The following STAT3 variants were observed in gnomAD, a reference collection of about 807,000 sequenced individuals.
STAT3 encodes the protein DNA-binding protein APRF.
In STAT3, 7 loss-of-function variants were observed where a neutral mutation model predicts 114.3. The ratio of observed to expected loss-of-function variants is 0.06; its 90% confidence interval spans 0.03 to 0.11. STAT3 has a LOEUF of 0.11. STAT3 is among the 10% of genes least tolerant of loss of function. The probability of loss-of-function intolerance (pLI) is 1.00; values close to 1 mark genes in which losing one functional copy is unlikely to be tolerated. For synonymous variants in STAT3, 331 were observed against 354.5 expected, an observed-to-expected ratio of 0.93 and a Z score of 0.74; for missense variants, 364 against 960.9, an observed-to-expected ratio of 0.38 and a Z score of 8.21.
chr17:42,315,945 G>C (rs1045160288), intron 23 of STAT3, 145 bp from the exon 24 acceptor site: 58 of 1,543,374 alleles, frequency 3.8e-5, no homozygotes, highest in Admixed American at 5.9e-5. Context: ...GGTCAGAAAA[G>C]CCAGATTTAC....
intron 4 of STAT3, among the ~76,000 whole-genome samples, chr17:42,343,169 CAAAA>C: frequency 1.6e-5 from 1 of 62,776 alleles, no homozygotes; most frequent in Non-Finnish European, 3.2e-5. Flanking sequence ...GAGACTGTCT[CAAAA>C]AAAAAAAAAA....
Position 42,334,044 on chromosome 17 carries a change from G to A in STAT3, c.803C>T (p.Thr268Met), listed in dbSNP as rs779422770. 1.2e-6 allele frequency: 2 copies of A among 1,614,030 alleles called. No homozygotes were observed. The highest frequency in any genetic ancestry group is 1.7e-6 in the Non-Finnish European group (2 of 1,180,008). The stretch of plus-strand genomic sequence containing the variant: ...CTGAAGTTGAGATTCTGCTAATGAC[G>A]TTATCCTGCCAATAAATTAAGAAAG... ...ICLDRLENWITSLAESQLQTR... is the reference protein window; with the variant it reads ...ICLDRLENWIMSLAESQLQTR... The change falls in exon 9 of 24, where the codon ACG (threonine) becomes ATG (methionine). Residue 268 changes from threonine (T) to methionine (M), a missense_variant. By Grantham distance (81) the Thr-to-Met change is moderately conservative. This residue lies in a region of STAT3 where 294 missense variants were observed against 745.1 expected (regional missense o/e 0.39). Transcript: ENST00000264657.
chr17:42,321,970 C>T (rs1035983748), intron 21 of STAT3, among the ~76,000 whole-genome samples: 1 of 152,084 alleles, frequency 6.6e-6, no homozygotes, highest in Non-Finnish European at 1.5e-5. Context: ...ACTACAAATG[C>T]GTGCCACCAC....
intron 1 of STAT3, among the ~76,000 whole-genome samples, chr17:42,373,013 T>C (rs957113977): frequency 3.9e-4 from 59 of 152,202 alleles, no homozygotes; most frequent in Non-Finnish European, 6.0e-4. Context: ...GGAAACTCTC[T>C]GTACTTTCCA....
chr17:42,388,334 G>T lies in STAT3; in HGVS notation c.-79C>A. The T allele has an allele frequency of 8.1e-7, 1 of 1,232,064 alleles. No homozygotes were observed. Among genetic ancestry groups the T allele is most frequent in the Non-Finnish European group, 1.0e-6 (1 of 988,268 alleles). 76.3% of individuals were successfully genotyped at this position (1,232,064 alleles called of 1,614,324 possible). On this transcript the variant is annotated 5_prime_UTR_variant, in exon 1 of 24. Coordinates refer to ENST00000264657, the MANE Select transcript of STAT3 (RefSeq NM_139276.3). Reference sequence around the variant, plus strand: ...GGCTGCGCGTGTGCCGGGGACGGGCGGCGAGGCTCCCTCAGGCCGAAGGGC... The same window carrying T: ...GGCTGCGCGTGTGCCGGGGACGGGCTGCGAGGCTCCCTCAGGCCGAAGGGC...
chr17:42,315,959 C>A lies in STAT3; in HGVS notation c.2258-159G>T, dbSNP rs1163511732. On this transcript the variant is annotated intron_variant, in intron 23 of 23. Coordinates refer to ENST00000264657, the MANE Select transcript of STAT3 (RefSeq NM_139276.3). ...TGGTCAGAAAAGCCAGATTTACCCTCCTCCCTGGAGGACCCTGCCTCGGGA... is the reference window on the plus strand; with the variant it reads ...TGGTCAGAAAAGCCAGATTTACCCTACTCCCTGGAGGACCCTGCCTCGGGA... 3.9e-6 allele frequency: 6 copies of A among 1,519,302 alleles called. No homozygotes were observed. The East Asian group carries it at 1.2e-4, about 31-fold the overall frequency. 94.1% of individuals were successfully genotyped at this position (1,519,302 alleles called of 1,614,324 possible).
At position 42,337,751 on chromosome 17, in the gene STAT3, C is replaced by T; in HGVS notation, c.645+12G>A. 1 of 1,614,190 alleles carries T rather than the reference C, an allele frequency of 6.2e-7. No homozygotes were observed. The highest frequency in any genetic ancestry group is 8.5e-7 in the Non-Finnish European group (1 of 1,180,018). On this transcript the variant is annotated intron_variant, in intron 7 of 23. Transcript: ENST00000264657. This position sits in a 1 kb window ranked among gnomAD's most constrained non-coding sequence, Gnocchi z 4.0. ...AGACACATGGGGGAAGTGGTCCGAC[C>T]TATGCCCTTACTCTCCGCATCTGGT...
rs927121156 is a variant in STAT3 at position 42,330,258 on chromosome 17, G to A, written c.1110-482C>T. ...CAGCCTCCCGTGTAGCTGGGATTAC[G>A]GGCATGCGCCAACACACCTGGCTAA... On this transcript the variant is annotated intron_variant, in intron 11 of 23. Coordinates refer to ENST00000264657, the MANE Select transcript of STAT3 (RefSeq NM_139276.3). Among the ~76,000 whole-genome samples the A allele has an allele frequency of 2.7e-5, 4 of 146,624 alleles. No homozygotes were observed. The Admixed American group carries it at 2.7e-4, about 10-fold the overall frequency.
At chr17:42,370,167 G>A (rs796995478) in intron 1 of STAT3, among the ~76,000 whole-genome samples, 6 of 150,454 alleles carry the variant, frequency 4.0e-5, no homozygotes, top group Non-Finnish European at 7.4e-5. Context: ...ATGGGGTTTC[G>A]CCATGTTCAC....
chr17:42,387,154 A>T (rs927582421), intron 1 of STAT3: 1 of 152,210 alleles, frequency 6.6e-6, no homozygotes, highest in Admixed American at 6.5e-5. Flanking sequence ...CAGCAGGTAC[A>T]CACTATACAC....
intron 1 of STAT3, among the ~76,000 whole-genome samples, chr17:42,379,252 T>TA (rs2084642839): frequency 6.6e-6 from 1 of 152,254 alleles, no homozygotes; most frequent in Admixed American, 6.5e-5. Context: ...CTGCCCCGCA[T>TA]ACGGCCAGGA....
chr17:42,369,454 C>T (rs1239409953), intron 1 of STAT3, among the ~76,000 whole-genome samples: 3 of 152,098 alleles, frequency 2.0e-5, no homozygotes, highest in Non-Finnish European at 2.9e-5. Context: ...TTTCTTTATC[C>T]AATTTGTCAC....
At chr17:42,319,656 C>A (rs988135467) in intron 21 of STAT3, among the ~76,000 whole-genome samples, 1 of 151,470 alleles carries the variant, frequency 6.6e-6, no homozygotes, top group Non-Finnish European at 1.5e-5. Context: ...ACCTCTCCCT[C>A]AAGCCATAAG....
At chr17:42,369,024 T>C (rs1468466952) in intron 1 of STAT3, among the ~76,000 whole-genome samples, 1 of 152,130 alleles carries the variant, frequency 6.6e-6, no homozygotes, top group East Asian at 1.9e-4. Context: ...CCTGCATTAC[T>C]TTGCTAAGGA....
chr17:42,335,242 C>G (rs1195875875), intron 8 of STAT3, among the ~76,000 whole-genome samples: 2 of 152,148 alleles, frequency 1.3e-5, no homozygotes, highest in Non-Finnish European at 2.9e-5. Context: ...CCTACCTCAG[C>G]TTCCTGAGTA....
chr17:42,330,435 C>CTTTTT (rs551847953), intron 11 of STAT3, among the ~76,000 whole-genome samples: 1 of 98,138 alleles, frequency 1.0e-5, no homozygotes. Context: ...CTTTTCTTTT[C>CTTTTT]TTTTTTTTTT....
At chr17:42,380,963 C>T (rs1241146098) in intron 1 of STAT3, among the ~76,000 whole-genome samples, 1 of 152,188 alleles carries the variant, frequency 6.6e-6, no homozygotes, top group Non-Finnish European at 1.5e-5. Context: ...TGTTACCTGT[C>T]TGCCCGGCAC....
In STAT3 at chr17:42,315,480, AC is replaced by A; in HGVS notation, c.*264del. On this transcript the variant is annotated 3_prime_UTR_variant, in exon 24 of 24. Transcript: ENST00000264657. ...ACATTTCCTTTTTCTCCCTCTAGCCACCCCCCGCCACATCCCCTGATCATGG... is the reference window on the plus strand; with the variant it reads ...ACATTTCCTTTTTCTCCCTCTAGCCACCCCCGCCACATCCCCTGATCATGG... 4 of 581,450 alleles carry A rather than the reference AC, an allele frequency of 6.9e-6. No homozygotes were observed. The highest frequency in any genetic ancestry group is 9.2e-6 in the Non-Finnish European group (3 of 325,976). 36.0% of individuals were successfully genotyped at this position (581,450 alleles called of 1,614,324 possible). A position where few individuals can be genotyped will look rare whatever the true frequency, so the allele number is the denominator to read the frequency against.
At position 42,337,631 on chromosome 17, in the gene STAT3, GTC is replaced by G; in HGVS notation, c.646-47_646-46del. On this transcript the variant is annotated intron_variant, in intron 7 of 23. Transcript: ENST00000264657. The surrounding 1 kb of genome is among the most constrained non-coding windows in gnomAD (Gnocchi z 4.0). ...AAGTCAGAAAACATTTCCTCAGACTGTCTCTAACCACATTCTTTAGTCAACTC... is the reference window on the plus strand; with the variant it reads ...AAGTCAGAAAACATTTCCTCAGACTGTCTAACCACATTCTTTAGTCAACTC... 1 of 1,614,140 alleles carries G rather than the reference GTC, an allele frequency of 6.2e-7. No homozygotes were observed. The highest frequency in any genetic ancestry group is 8.5e-7 in the Non-Finnish European group (1 of 1,180,000).
Sources: allele counts gnomAD v4.1 joint callset (sites outside exome capture counted in the v4.1 genomes callset), GRCh38; gene constraint gnomAD v4.1.1; regional missense constraint gnomAD v4.1.1; non-coding constraint Gnocchi (gnomAD v3.1); transcripts MANE v1.5; gene names NCBI Gene and HGNC (gene_info 2026-07-23, HGNC 2026-07-21).